The following PDZD2 variants were observed in gnomAD, a reference collection of about 807,000 sequenced individuals.
PDZD2 encodes PDZ domain containing 2, also known as PDZ domain-containing protein 2.
A neutral mutation model predicts 220.7 loss-of-function variants in PDZD2; 90 were observed. The observed-to-expected ratio is 0.41, with a 90% CI of 0.34 to 0.49. The LOEUF (loss-of-function observed/expected upper bound fraction) is 0.49, where lower values mean the gene tolerates loss of function less well. PDZD2 is among the 20% of genes least tolerant of loss of function. The pLI is 0.28. For synonymous variants in PDZD2, 1,375 were observed against 1,450.5 expected (o/e 0.95, Z 1.18); for missense variants, 3,174 against 3,608.5 (o/e 0.88, Z 3.08).
At chr5:32,044,061 G>A (rs943016106) in intron 7 of PDZD2, among the ~76,000 whole-genome samples, 2 of 152,062 alleles carry the variant, frequency 1.3e-5, no homozygotes, top group African/African-American at 2.4e-5. Flanking sequence ...GGGCTTGGTG[G>A]CTCATGCCTA....
chr5:31,983,654 C>T lies in PDZD2; in HGVS notation c.976C>T (p.Arg326Trp), dbSNP rs1001801782. ...CTTCCAATCGAGTGACTGCCTGGCA[C>T]GGGTAAGGTTTGGTTTGATTATGGA... ...TDFQSSDCLA[R>W]EEVGRIWKME... is the part of the protein sequence containing the mutation. Residue 326 changes from arginine (R) to tryptophan (W), a missense_variant and splice_region_variant, in exon 3 of 25, where the codon CGG (arginine) becomes TGG (tryptophan). This residue lies in a region of PDZD2 where 632 missense variants were observed against 708.1 expected (regional missense o/e 0.89). Coordinates refer to ENST00000438447, the MANE Select transcript of PDZD2 (RefSeq NM_178140.4). The T allele has an allele frequency of 1.6e-5, 25 of 1,611,966 alleles. No individual in the cohort carries two copies. The Admixed American group carries it at 3.0e-4, about 19-fold the overall frequency.
chr5:31,900,589 C>A (rs1742003650), intron 2 of PDZD2, among the ~76,000 whole-genome samples: 1 of 152,174 alleles, frequency 6.6e-6, no homozygotes, highest in African/African-American at 2.4e-5. Flanking sequence ...TGTTGAGCAT[C>A]TGTCTGCCTT....
At chr5:31,904,180 T>G (rs1423587279) in intron 2 of PDZD2, among the ~76,000 whole-genome samples, 2 of 152,212 alleles carry the variant, frequency 1.3e-5, no homozygotes, top group Non-Finnish European at 2.9e-5. Context: ...GTTATGCCAC[T>G]TCTTATAAGC....
In PDZD2 at chr5:31,838,172, C is replaced by T. The variant is rs554712083; in HGVS notation, c.476+38448C>T. On this transcript the variant is annotated intron_variant, in intron 2 of 24. Transcript: ENST00000438447. ...TCCAGGGTTCAAGCAATTCTCCCAC[C>T]TCAGCCTCCCAAGTAGCTGGAATTA... 2.0e-5 allele frequency among the ~76,000 whole-genome samples: 3 copies of T among 152,290 alleles called. No individual in the cohort carries two copies. The South Asian group carries it at 6.2e-4, about 32-fold the overall frequency.
chr5:31,819,512 C>T (rs1034778525), intron 2 of PDZD2, among the ~76,000 whole-genome samples: 1 of 151,920 alleles, frequency 6.6e-6, no homozygotes, highest in African/African-American at 2.4e-5. Flanking sequence ...CAAAAATTAG[C>T]TGCGAGTGGT....
chr5:31,662,227 CT>C (rs1745796551), intron 1 of PDZD2, among the ~76,000 whole-genome samples: 1 of 152,202 alleles, frequency 6.6e-6, no homozygotes, highest in Admixed American at 6.5e-5. Flanking sequence ...AGGAGAATCA[CT>C]TGAACCCGGG....
chr5:31,835,161 G>A (rs536351782), intron 2 of PDZD2, among the ~76,000 whole-genome samples: 1 of 152,180 alleles, frequency 6.6e-6, no homozygotes, highest in African/African-American at 2.4e-5. Flanking sequence ...AATCACTGCT[G>A]TGCTGACTTC....
Position 32,010,654 on chromosome 5 carries a change from G to T in PDZD2, c.1407+172G>T. 5 of 706,294 alleles carry T rather than the reference G, an allele frequency of 7.1e-6. No homozygotes were observed. The East Asian group carries it at 1.3e-4, about 19-fold the overall frequency. 43.8% of individuals were successfully genotyped at this position (706,294 alleles called of 1,614,324 possible). On this transcript the variant is annotated intron_variant, in intron 6 of 24. Coordinates refer to ENST00000438447, the MANE Select transcript of PDZD2 (RefSeq NM_178140.4). Reference sequence around the variant, plus strand: ...GGAATCTCTGAGAAAAATCTGTGAGGGTGATATTTTTCCTTTAAGGAAAAA... The same window carrying T: ...GGAATCTCTGAGAAAAATCTGTGAGTGTGATATTTTTCCTTTAAGGAAAAA...
intron 2 of PDZD2, among the ~76,000 whole-genome samples, chr5:31,853,834 A>G (rs1446142184): frequency 6.6e-6 from 1 of 152,080 alleles, no homozygotes; most frequent in African/African-American, 2.4e-5. Context: ...TGCCTGTGCA[A>G]GTCCCGGGAG....
rs70957998 is a variant in PDZD2, at chr5:32,025,591, CTTTTTTTTT to C, written c.1408-11620_1408-11612del. On this transcript the variant is annotated intron_variant, in intron 6 of 24. Transcript: ENST00000438447. ...AGTGAGCCCAAATGTAACCATGATG[CTTTTTTTTT>C]TTTTTTTTTTTTTTTTTTTGGAAAC... 6.6e-3 allele frequency among the ~76,000 whole-genome samples: 448 copies of C among 67,416 alleles called. 5 individuals carry two copies. The highest frequency in any genetic ancestry group is 9.1e-3 in the South Asian group (15 of 1,646). 44.2% of individuals were successfully genotyped at this position (67,416 alleles called of 152,430 possible).
chr5:31,692,505 C>G (rs1226689780), intron 1 of PDZD2, among the ~76,000 whole-genome samples: 3 of 152,250 alleles, frequency 2.0e-5, no homozygotes, highest in African/African-American at 7.2e-5. Flanking sequence ...GCTGTGAGGG[C>G]TGCCAGCAGG....
chr5:32,007,211 C>G (rs1430127772), intron 5 of PDZD2, among the ~76,000 whole-genome samples: 2 of 152,006 alleles, frequency 1.3e-5, no homozygotes, highest in African/African-American at 4.8e-5. Context: ...AGCCACCGCG[C>G]CCGGCCTGCC....
intron 2 of PDZD2, chr5:31,847,513 G>A (rs746043436): frequency 3.0e-6 from 2 of 656,086 alleles, no homozygotes; most frequent in Non-Finnish European, 5.6e-6. Flanking sequence ...TGCACACACT[G>A]CCAAAATTTG....
rs1749001672 is a variant in PDZD2, at chr5:31,724,501, C to T, written c.-360-74388C>T. ...CCTGTAATCCCAGCTACTCTGAAGA[C>T]TGAGGCAGGAGAATCGCTTGAACCC... On this transcript the variant is annotated intron_variant, in intron 1 of 24. Coordinates refer to ENST00000438447, the MANE Select transcript of PDZD2 (RefSeq NM_178140.4). 2.0e-5 allele frequency among the ~76,000 whole-genome samples: 3 copies of T among 149,474 alleles called. No homozygotes were observed. The South Asian group carries it at 6.3e-4, about 32-fold the overall frequency.
chr5:32,040,366 G>T, intron 7 of PDZD2, among the ~76,000 whole-genome samples: 1 of 144,774 alleles, frequency 6.9e-6, no homozygotes, highest in Non-Finnish European at 1.5e-5. Context: ...TGGCCGCCCC[G>T]TCTAGGAAGT....
At position 32,098,719 on chromosome 5, in the gene PDZD2, C is replaced by A; in HGVS notation, c.8218+85C>A. Reference sequence around the variant, plus strand: ...GGTTGAACATGAAGGAAAATAACAGCTAACTAACTTCTAGATCTGAAAAAT... The same window carrying A: ...GGTTGAACATGAAGGAAAATAACAGATAACTAACTTCTAGATCTGAAAAAT... On this transcript the variant is annotated intron_variant, in intron 23 of 24. Transcript: ENST00000438447. The surrounding 1 kb of genome is among the most constrained non-coding windows in gnomAD (Gnocchi z 4.1). 1.6e-6 allele frequency: 2 copies of A among 1,226,458 alleles called. No individual in the cohort carries two copies. Among genetic ancestry groups the A allele is most frequent in the Non-Finnish European group, 2.3e-6 (2 of 881,996 alleles). 76.0% of individuals were successfully genotyped at this position (1,226,458 alleles called of 1,614,324 possible).
At chr5:31,738,123 C>G (rs1346518764) in intron 1 of PDZD2, 1 of 152,146 alleles carries the variant, frequency 6.6e-6, no homozygotes, top group Non-Finnish European at 1.5e-5. Context: ...GGAATTTTTC[C>G]CAGAATCGTT....
chr5:31,640,318 A>T (rs1580502831), intron 1 of PDZD2, among the ~76,000 whole-genome samples: 1 of 152,164 alleles, frequency 6.6e-6, no homozygotes, highest in South Asian at 2.1e-4. Context: ...CTGGTCGCAG[A>T]GACTGGAATG....
chr5:32,014,713 T>TC (rs1338858642), intron 6 of PDZD2, among the ~76,000 whole-genome samples: 2 of 10,534 alleles, frequency 1.9e-4, no homozygotes, highest in African/African-American at 2.3e-4. Context: ...TTTCTTTTTT[T>TC]TTTTTTTTTT....
Sources: allele counts gnomAD v4.1 joint callset (sites outside exome capture counted in the v4.1 genomes callset), GRCh38; gene constraint gnomAD v4.1.1; regional missense constraint gnomAD v4.1.1; non-coding constraint Gnocchi (gnomAD v3.1); transcripts MANE v1.5; gene names NCBI Gene and HGNC (gene_info 2026-07-23, HGNC 2026-07-21).